Variants in CBL observed in about 807,000 individuals in gnomAD.
CBL encodes Cbl proto-oncogene.
A neutral mutation model predicts 96.9 loss-of-function variants in CBL; 45 were observed. The observed-to-expected ratio is 0.46, with a 90% CI of 0.37 to 0.60. The LOEUF (loss-of-function observed/expected upper bound fraction) is 0.60. CBL is among the 20% of genes least tolerant of loss of function. The pLI, the probability that CBL is intolerant of heterozygous loss-of-function variation, is 0.00. For synonymous variants in CBL, 420 were observed against 426.8 expected (o/e 0.98, Z 0.20); for missense variants, 1,024 against 1,143.5 (o/e 0.90, Z 1.51).
At chr11:119,292,788 C>T (rs779034983) in intron 12 of CBL, among the ~76,000 whole-genome samples, 50 of 152,174 alleles carry the variant, frequency 3.3e-4, no homozygotes, top group Non-Finnish European at 8.8e-5. Flanking sequence ...TGCCACCACA[C>T]CTAGCTAATT....
At chr11:119,263,398 TG>T (rs1353817021) in intron 2 of CBL, among the ~76,000 whole-genome samples, 1 of 152,102 alleles carries the variant, frequency 6.6e-6, no homozygotes, top group East Asian at 1.9e-4. Flanking sequence ...GAGGCTCTCA[TG>T]TGGGTTGCTG....
rs551638581 is a variant in CBL, at chr11:119,307,840, G to T, written c.*8059G>T. 1 of 207,628 alleles carries T rather than the reference G, an allele frequency of 4.8e-6. No individual in the cohort carries two copies. The highest frequency in any genetic ancestry group is 9.8e-6 in the Non-Finnish European group (1 of 101,780). The allele number at this position is 207,628 out of a possible 1,614,324, so 12.9% of individuals were successfully genotyped here. A position where few individuals can be genotyped will look rare whatever the true frequency, so the allele number is the denominator to read the frequency against. The stretch of plus-strand genomic sequence containing the variant: ...AAACAAACACATAGGTGAGATTTTC[G>T]TGGACTATTTTAAAAATGTGTCATT... On this transcript the variant is annotated 3_prime_UTR_variant, in exon 16 of 16. Transcript: ENST00000264033.
intron 11 of CBL, among the ~76,000 whole-genome samples, chr11:119,286,397 A>G (rs1362147554): frequency 2.0e-5 from 3 of 152,212 alleles, no homozygotes; most frequent in Non-Finnish European, 4.4e-5. Flanking sequence ...TAACTAGAAA[A>G]CACTTAAGTT....
At chr11:119,239,830 T>C (rs754873384) in intron 2 of CBL, among the ~76,000 whole-genome samples, 15 of 152,106 alleles carry the variant, frequency 9.9e-5, no homozygotes, top group Non-Finnish European at 1.9e-4. Context: ...GTTAGAGACC[T>C]TTTATGTTTC....
At chr11:119,233,127 A>G (rs980594318) in intron 2 of CBL, among the ~76,000 whole-genome samples, 11 of 152,246 alleles carry the variant, frequency 7.2e-5, no homozygotes, top group African/African-American at 2.7e-4. Flanking sequence ...TTTTTAAAAC[A>G]TGAAGCAAAG....
In CBL at chr11:119,303,472, T is replaced by C. The variant is rs1308718862; in HGVS notation, c.*3691T>C. 8.6e-6 allele frequency: 2 copies of C among 233,600 alleles called. No homozygotes were observed. Among genetic ancestry groups the C allele is most frequent in the African/African-American group, 4.4e-5 (2 of 45,368 alleles). 14.5% of individuals were successfully genotyped at this position (233,600 alleles called of 1,614,324 possible). On this transcript the variant is annotated 3_prime_UTR_variant, in exon 16 of 16. Coordinates refer to ENST00000264033, the MANE Select transcript of CBL (RefSeq NM_005188.4). ...TAGTTTACTAATGTTTGGGGGATTGTACTTGGACTGTCATAGCCTCTGCGT... is the reference window on the plus strand; with the variant it reads ...TAGTTTACTAATGTTTGGGGGATTGCACTTGGACTGTCATAGCCTCTGCGT...
Position 119,300,584 on chromosome 11 carries a change from A to C in CBL, c.*803A>C. 1 of 399,254 alleles carries C rather than the reference A, an allele frequency of 2.5e-6. No homozygotes were observed. The allele number at this position is 399,254 out of a possible 1,614,324, so 24.7% of individuals were successfully genotyped here. A position where few individuals can be genotyped will look rare whatever the true frequency, so the allele number is the denominator to read the frequency against. On this transcript the variant is annotated 3_prime_UTR_variant, in exon 16 of 16. Transcript: ENST00000264033. ...TATTATAGGCATGTTTGATACTAGC[A>C]GCTAACACTGGTCACTCCAAAGCAC...
At chr11:119,226,329 A>T (rs1396301535) in intron 1 of CBL, among the ~76,000 whole-genome samples, 1 of 152,138 alleles carries the variant, frequency 6.6e-6, no homozygotes, top group Non-Finnish European at 1.5e-5. Context: ...ATGGTGTGGA[A>T]ATGAGAAGGG....
intron 2 of CBL, among the ~76,000 whole-genome samples, chr11:119,264,081 T>A (rs1949775985): frequency 6.6e-6 from 1 of 152,258 alleles, no homozygotes; most frequent in Admixed American, 6.5e-5. Context: ...TATTGTATAA[T>A]GTTTTACAGC....
chr11:119,279,453 A>G (rs1735386184), intron 9 of CBL, among the ~76,000 whole-genome samples: 1 of 151,676 alleles, frequency 6.6e-6, no homozygotes, highest in Non-Finnish European at 1.5e-5. Context: ...CGACATAGCA[A>G]GACCGTATCT....
At chr11:119,276,501 G>A (rs761406236) in intron 6 of CBL, among the ~76,000 whole-genome samples, 6 of 152,124 alleles carry the variant, frequency 3.9e-5, no homozygotes, top group Non-Finnish European at 8.8e-5. Context: ...ATAGCCATAG[G>A]CCTCAGTGGC....
chr11:119,298,087 A>G (rs1383950017), intron 14 of CBL, among the ~76,000 whole-genome samples: 3 of 152,224 alleles, frequency 2.0e-5, no homozygotes, highest in Non-Finnish European at 4.4e-5. Flanking sequence ...GAATGATCTG[A>G]GATGACACTG....
chr11:119,224,624 C>G (rs1193430261), intron 1 of CBL, among the ~76,000 whole-genome samples: 1 of 152,108 alleles, frequency 6.6e-6, no homozygotes, highest in Non-Finnish European at 1.5e-5. Context: ...TGGAGTCTTG[C>G]TCTGTCGCCA....
chr11:119,207,213 T>A (rs549634840), intron 1 of CBL, among the ~76,000 whole-genome samples: 5 of 152,224 alleles, frequency 3.3e-5, no homozygotes, highest in Admixed American at 2.0e-4. Context: ...GGAAAGAACT[T>A]TCCTCCCCAT....
rs201616881 is a variant in CBL at position 119,278,635 on chromosome 11, C to T, written c.1353C>T (p.Pro451=). 38 of 1,613,996 alleles carry T rather than the reference C, an allele frequency of 2.4e-5. No individual in the cohort carries two copies. In the South Asian group the frequency reaches 2.6e-4, roughly 11 times the overall value. The change falls in exon 9 of 16, where the codon CCC becomes CCT. Residue 451 remains proline, a synonymous_variant. Coordinates refer to ENST00000264033, the MANE Select transcript of CBL (RefSeq NM_005188.4). ...TGAGGCAAGGAGCAGAGGGAGCTCCCTCCCCAAATTATGATGATGATGATG... is the reference window on the plus strand; with the variant it reads ...TGAGGCAAGGAGCAGAGGGAGCTCCTTCCCCAAATTATGATGATGATGATG... ...SLLRQGAEGA[P]SPNYDDDDDE...
Position 119,271,872 on chromosome 11 carries a change from T to C in CBL, c.581T>C (p.Phe194Ser). ...ADAAEFWRKA[F>S]GEKTIVPWKS... ...GCTGCGGAATTTTGGAGAAAAGCTTTTGGGGAAAAGTAAGTCTCAGAATAA... is the reference window on the plus strand; with the variant it reads ...GCTGCGGAATTTTGGAGAAAAGCTTCTGGGGAAAAGTAAGTCTCAGAATAA... The change falls in exon 3 of 16, where the codon TTT (phenylalanine) becomes TCT (serine). Residue 194 changes from phenylalanine to serine, a missense_variant. Phe to Ser is a radical substitution (Grantham distance 155). This residue lies in a region of CBL where 192 missense variants were observed against 321.8 expected (regional missense o/e 0.60). Transcript: ENST00000264033. 1 of 1,613,988 alleles carries C rather than the reference T, an allele frequency of 6.2e-7. No homozygotes were observed. Among genetic ancestry groups the C allele is most frequent in the South Asian group, 1.1e-5 (1 of 91,066 alleles).
At chr11:119,291,893 G>A (rs1950029472) in intron 12 of CBL, among the ~76,000 whole-genome samples, 1 of 151,896 alleles carries the variant, frequency 6.6e-6, no homozygotes, top group African/African-American at 2.4e-5. Context: ...GTCTCACTCT[G>A]TCACCCAGGC....
chr11:119,299,817 T>C lies in CBL; in HGVS notation c.*36T>C. On this transcript the variant is annotated 3_prime_UTR_variant, in exon 16 of 16. Coordinates refer to ENST00000264033, the MANE Select transcript of CBL (RefSeq NM_005188.4). ...CCCTGCTGCAGGTTTAGAGGACCAG[T>C]GAGTTGGGAGTTATTACTCAAGTGG... 1 of 1,607,920 alleles carries C rather than the reference T, an allele frequency of 6.2e-7. No homozygotes were observed. Among genetic ancestry groups the C allele is most frequent in the East Asian group, 2.2e-5 (1 of 44,862 alleles).
chr11:119,262,594 AGTTCT>A (rs1220042721), intron 2 of CBL, among the ~76,000 whole-genome samples: 2 of 152,224 alleles, frequency 1.3e-5, no homozygotes, highest in African/African-American at 4.8e-5. Flanking sequence ...TTTCCAGTTC[AGTTCT>A]ACAAATGTAT....
Sources: allele counts gnomAD v4.1 joint callset (sites outside exome capture counted in the v4.1 genomes callset), GRCh38; gene constraint gnomAD v4.1.1; regional missense constraint gnomAD v4.1.1; transcripts MANE v1.5; gene names NCBI Gene and HGNC (gene_info 2026-07-23, HGNC 2026-07-21).